Variants in MAN2A1 observed in about 807,000 individuals in gnomAD.
MAN2A1 encodes the protein alpha-mannosidase 2.
MAN2A1 carries 76 observed loss-of-function variants against 142.6 expected under a neutral mutation model. That is an observed-to-expected ratio of 0.53 (90% confidence interval 0.44 to 0.65). The LOEUF (loss-of-function observed/expected upper bound fraction) is 0.65, where lower values mean the gene tolerates loss of function less well. Among genes scored for constraint, MAN2A1 ranks in the 30% least tolerant of loss-of-function variants. MAN2A1 has a pLI of 0.00. For missense variants in MAN2A1, 1,311 were observed against 1,365.1 expected, an observed-to-expected ratio of 0.96 and a Z score of 0.62; for synonymous variants, 559 against 473.2, an observed-to-expected ratio of 1.18 and a Z score of -2.35.
chr5:109,708,493 AAGAC>A (rs1287502241), intron 1 of MAN2A1, among the ~76,000 whole-genome samples: 6 of 104,686 alleles, frequency 5.7e-5, no homozygotes, highest in African/African-American at 1.0e-4. Context: ...GTTCTCCAGA[AAGAC>A]AGAACTGATA....
In MAN2A1 at chr5:109,868,049, G is replaced by C. The variant is rs1755927870; in HGVS notation, c.*1051G>C. The C allele has an allele frequency of 2.0e-5, 3 of 152,074 alleles. No homozygotes were observed. The highest frequency in any genetic ancestry group is 7.2e-5 in the African/African-American group (3 of 41,412). 9.4% of individuals were successfully genotyped at this position (152,074 alleles called of 1,614,324 possible). A position where few individuals can be genotyped will look rare whatever the true frequency, so the allele number is the denominator to read the frequency against. On this transcript the variant is annotated 3_prime_UTR_variant, in exon 22 of 22. Transcript: ENST00000261483. ...ACTATTTGAATGTACTGAGATGTCA[G>C]AAAACAAAACAAGGAAGGAAAATAT...
chr5:109,698,317 G>A (rs1185961128), intron 1 of MAN2A1, among the ~76,000 whole-genome samples: 3 of 152,192 alleles, frequency 2.0e-5, no homozygotes, highest in Non-Finnish European at 2.9e-5. Flanking sequence ...CTGCTCTTCT[G>A]CTTATCAAAG....
chr5:109,724,205 T>C (rs1751682023), intron 3 of MAN2A1, among the ~76,000 whole-genome samples: 1 of 152,150 alleles, frequency 6.6e-6, no homozygotes, highest in South Asian at 2.1e-4. Flanking sequence ...AAGAAACCTG[T>C]TCGTCATTTT....
In MAN2A1 at chr5:109,689,970, CGGGAG is replaced by C; in HGVS notation, c.-447_-443del. ...CTGACCTAGCTGCGCGGCCCCGGCC[CGGGAG>C]CTGCCGAACCCGCGCCTCCCCTGGG... On this transcript the variant is annotated 5_prime_UTR_variant, in exon 1 of 22. Coordinates refer to ENST00000261483, the MANE Select transcript of MAN2A1 (RefSeq NM_002372.4). The C allele has an allele frequency of 5.7e-6, 1 of 175,680 alleles. No individual in the cohort carries two copies. The highest frequency in any genetic ancestry group is 1.6e-4 in the East Asian group (1 of 6,226). 10.9% of individuals were successfully genotyped at this position (175,680 alleles called of 1,614,324 possible).
intron 17 of MAN2A1, among the ~76,000 whole-genome samples, 200 bp downstream of exon 17, chr5:109,842,661 C>G (rs1354070955): frequency 1.5e-5 from 2 of 136,950 alleles, no homozygotes; most frequent in African/African-American, 6.0e-5. Flanking sequence ...TTTTTTAGAA[C>G]ATCTTTTTGT....
chr5:109,765,488 G>A (rs1006073484), intron 5 of MAN2A1, among the ~76,000 whole-genome samples: 2 of 152,052 alleles, frequency 1.3e-5, no homozygotes, highest in African/African-American at 4.8e-5. Context: ...TCCTAGTACT[G>A]GTAATACTGG....
At chr5:109,696,902 T>G (rs771407970) in intron 1 of MAN2A1, among the ~76,000 whole-genome samples, 2 of 152,382 alleles carry the variant, frequency 1.3e-5, no homozygotes, top group African/African-American at 4.8e-5. Flanking sequence ...CATTTAGGAT[T>G]CTAGATTGTA....
At chr5:109,792,887 G>A (rs1163202878) in intron 12 of MAN2A1, among the ~76,000 whole-genome samples, 1 of 152,080 alleles carries the variant, frequency 6.6e-6, no homozygotes, top group African/African-American at 2.4e-5. Context: ...TTCCAAGGGG[G>A]AGTGTTTTAA....
rs778363571 is a variant in MAN2A1, at chr5:109,789,573, T to C, written c.1943+46T>C. ...AAATGTTTACCACTTTCTGGCTTAA[T>C]AGTTTTTGGTTTTATGGTTCTGGTT... On this transcript the variant is annotated intron_variant, in intron 12 of 21. Coordinates refer to ENST00000261483, the MANE Select transcript of MAN2A1 (RefSeq NM_002372.4). 1.5e-5 allele frequency: 21 copies of C among 1,361,044 alleles called. No individual in the cohort carries two copies. The African/African-American group carries it at 1.9e-4, about 13-fold the overall frequency. 84.3% of individuals were successfully genotyped at this position (1,361,044 alleles called of 1,614,324 possible).
At chr5:109,723,367 C>G (rs1343241761) in intron 3 of MAN2A1, among the ~76,000 whole-genome samples, 3 of 152,188 alleles carry the variant, frequency 2.0e-5, no homozygotes, top group Non-Finnish European at 4.4e-5. Context: ...CAGCAGGTTT[C>G]TAGGTTTTCC....
intron 12 of MAN2A1, among the ~76,000 whole-genome samples, chr5:109,809,700 A>G (rs1184486258): frequency 1.3e-5 from 2 of 152,134 alleles, no homozygotes; most frequent in Non-Finnish European, 2.9e-5. Flanking sequence ...GGGATTTAAC[A>G]TGACACACCA....
At position 109,745,333 on chromosome 5, in the gene MAN2A1, A is replaced by G. The variant is rs549470114; in HGVS notation, c.708-9996A>G. ...AATACAATACAGTAAACATAATGAT[A>G]TATGTCTCTCTTGATATGGAAAGAT... On this transcript the variant is annotated intron_variant, in intron 4 of 21. Transcript: ENST00000261483. Among the ~76,000 whole-genome samples the G allele has an allele frequency of 6.6e-5, 10 of 152,324 alleles. No homozygotes were observed. The South Asian group carries it at 2.1e-3, about 32-fold the overall frequency.
chr5:109,723,136 A>C (rs1298032146), intron 3 of MAN2A1, among the ~76,000 whole-genome samples: 1 of 152,182 alleles, frequency 6.6e-6, no homozygotes, highest in Non-Finnish European at 1.5e-5. Context: ...AGGATGAACA[A>C]AACGCCTGCT....
intron 16 of MAN2A1, among the ~76,000 whole-genome samples, chr5:109,839,525 G>A (rs1755144476): frequency 6.7e-6 from 1 of 150,214 alleles, no homozygotes; most frequent in Non-Finnish European, 1.5e-5. Flanking sequence ...AAAAAAAAAG[G>A]CATTAGCTGG....
At chr5:109,832,731 C>A (rs944445065) in intron 16 of MAN2A1, among the ~76,000 whole-genome samples, 3 of 148,788 alleles carry the variant, frequency 2.0e-5, no homozygotes, top group Non-Finnish European at 4.5e-5. Flanking sequence ...GGGGCCCCCC[C>A]ACTTCCCTCC....
At chr5:109,771,246 G>T (rs1040752230) in intron 7 of MAN2A1, among the ~76,000 whole-genome samples, 3 of 151,578 alleles carry the variant, frequency 2.0e-5, no homozygotes, top group African/African-American at 7.3e-5. Context: ...GAAACATTGT[G>T]GTGTAATATA....
chr5:109,732,046 T>C (rs1432464215), intron 4 of MAN2A1, among the ~76,000 whole-genome samples: 3 of 152,032 alleles, frequency 2.0e-5, no homozygotes, highest in Non-Finnish European at 4.4e-5. Context: ...TTTTTAATGA[T>C]TGCCATTCTA....
intron 4 of MAN2A1, among the ~76,000 whole-genome samples, chr5:109,736,394 A>G (rs1211890749): frequency 1.3e-5 from 2 of 152,136 alleles, no homozygotes; most frequent in African/African-American, 4.8e-5. Flanking sequence ...GCTAATGGCT[A>G]TAATCTCAGT....
chr5:109,787,000 A>G (rs1014932805), intron 10 of MAN2A1, among the ~76,000 whole-genome samples: 1 of 152,000 alleles, frequency 6.6e-6, no homozygotes, highest in Non-Finnish European at 1.5e-5. Flanking sequence ...CAATAGATCG[A>G]ATGTGTATAT....
Sources: allele counts gnomAD v4.1 joint callset (sites outside exome capture counted in the v4.1 genomes callset), GRCh38; gene constraint gnomAD v4.1.1; transcripts MANE v1.5; gene names NCBI Gene and HGNC (gene_info 2026-07-23, HGNC 2026-07-21).